The following MEI1 variants were observed in gnomAD, a reference collection of about 807,000 sequenced individuals.
MEI1 encodes meiosis inhibitor protein 1.
In MEI1, 103 loss-of-function variants were observed where a neutral mutation model predicts 146.2. The observed-to-expected ratio is 0.70, with a 90% confidence interval of 0.60 to 0.83. The LOEUF is 0.83. Among genes scored for constraint, MEI1 ranks in the 40% least tolerant of loss-of-function variants. The probability of loss-of-function intolerance (pLI) is 0.00; values close to 1 mark genes in which losing one functional copy is unlikely to be tolerated. For missense variants in MEI1, 1,529 were observed against 1,533.0 expected, an observed-to-expected ratio of 1.00 and a Z score of 0.04; for synonymous variants, 652 against 628.2, an observed-to-expected ratio of 1.04 and a Z score of -0.57.
Position 41,699,688 on chromosome 22 carries a change from G to C in MEI1, c.150G>C (p.Glu50Asp). The C allele has an allele frequency of 6.3e-7, 1 of 1,586,338 alleles. No homozygotes were observed. The highest frequency in any genetic ancestry group is 8.6e-7 in the Non-Finnish European group (1 of 1,167,078). Residue 50 changes from glutamate to aspartate, a missense_variant, in exon 1 of 31, where the codon GAG becomes GAC. By Grantham distance (45) the Glu-to-Asp change is conservative. Transcript: ENST00000401548. ...TPRLCLACAL[E>D]LLPDPGVSLV... ...GCCTGTGCCTGGCCTGCGCGCTGGAGCTGCTGCCGGACCCCGGCGTGTCGG... is the reference window on the plus strand; with the variant it reads ...GCCTGTGCCTGGCCTGCGCGCTGGACCTGCTGCCGGACCCCGGCGTGTCGG...
intron 11 of MEI1, among the ~76,000 whole-genome samples, chr22:41,734,516 C>T (rs2072155467): frequency 1.3e-5 from 2 of 152,206 alleles, no homozygotes; most frequent in South Asian, 4.1e-4. Flanking sequence ...TTATCTGAGC[C>T]TGGGAGGCGG....
intron 23 of MEI1, 75 bp from the exon 24 acceptor site, chr22:41,781,610 G>A: frequency 6.5e-7 from 1 of 1,527,076 alleles, no homozygotes; most frequent in Non-Finnish European, 8.9e-7. Flanking sequence ...CCAATCAGGT[G>A]CTAAGCACCA....
chr22:41,720,784 T>C (rs2070708749), intron 6 of MEI1, among the ~76,000 whole-genome samples: 1 of 151,286 alleles, frequency 6.6e-6, no homozygotes, highest in Admixed American at 6.6e-5. Flanking sequence ...ATTTTTTATT[T>C]TTTTTGAGAC....
chr22:41,771,610 C>CTT lies in MEI1; in HGVS notation c.2544+658_2544+659dup, dbSNP rs11421181. On this transcript the variant is annotated intron_variant, in intron 20 of 30. Transcript: ENST00000401548. ...GCCACCACACCCAACTAATTTTTTA[C>CTT]TTTTTTTTTTAAGAGATGGGGTTTC... Among the ~76,000 whole-genome samples, 230 of 149,128 alleles carry CTT rather than the reference C, an allele frequency of 1.5e-3. 2 individuals carry two copies. The highest frequency in any genetic ancestry group is 5.4e-3 in the African/African-American group (218 of 40,566).
At chr22:41,794,569 A>C in intron 28 of MEI1, 92 bp downstream of exon 28, 13 of 1,045,536 alleles carry the variant, frequency 1.2e-5, no homozygotes, top group Non-Finnish European at 1.9e-5. Flanking sequence ...AGGTAACCCT[A>C]ATCCTTAAAG....
chr22:41,796,902 A>G (rs1023257796), intron 30 of MEI1, among the ~76,000 whole-genome samples: 8 of 152,260 alleles, frequency 5.3e-5, no homozygotes, highest in Admixed American at 1.3e-4. Context: ...CCAAGATCAC[A>G]CCACTGTACT....
chr22:41,742,769 C>A (rs774993154), intron 11 of MEI1, among the ~76,000 whole-genome samples: 3 of 152,192 alleles, frequency 2.0e-5, no homozygotes, highest in Admixed American at 6.5e-5. Flanking sequence ...CCTCCCACCT[C>A]TGCCTCTTGA....
intron 28 of MEI1, 129 bp downstream of exon 28, chr22:41,794,606 A>T: frequency 1.4e-6 from 1 of 712,248 alleles, no homozygotes; most frequent in South Asian, 1.7e-5. Flanking sequence ...GCAGGCCTTC[A>T]CCCTACAAGA....
intron 22 of MEI1, chr22:41,779,013 CACCCT>C (rs941838809): frequency 7.7e-6 from 4 of 521,942 alleles, no homozygotes; most frequent in Non-Finnish European, 1.4e-5. Flanking sequence ...GTTTGGGAGA[CACCCT>C]ACCTCTGCAA....
intron 7 of MEI1, among the ~76,000 whole-genome samples, chr22:41,729,090 G>C (rs2071618618): frequency 6.7e-6 from 1 of 149,862 alleles, no homozygotes; most frequent in Non-Finnish European, 1.5e-5. Context: ...CTTGAACCCA[G>C]GGAGGCGGAG....
chr22:41,754,698 GA>G (rs1337837487), intron 17 of MEI1, among the ~76,000 whole-genome samples: 2 of 152,158 alleles, frequency 1.3e-5, no homozygotes, highest in Non-Finnish European at 2.9e-5. Context: ...CCAAAGTGCT[GA>G]GATTACAGAT....
At position 41,745,957 on chromosome 22, in the gene MEI1, A is replaced by T; in HGVS notation, c.1611A>T (p.Glu537Asp). The T allele has an allele frequency of 1.2e-6, 2 of 1,613,634 alleles. No homozygotes were observed. Among genetic ancestry groups the T allele is most frequent in the South Asian group, 2.2e-5 (2 of 91,036 alleles). The change falls in exon 14 of 31, where the codon GAA becomes GAT. Residue 537 changes from glutamate (E) to aspartate (D), a missense_variant. By Grantham distance (45) the Glu-to-Asp change is conservative. Transcript: ENST00000401548. ...NPFTAPSAKK[E>D]DTLEAFSEFL... ...TCACAGCTCCCAGCGCCAAGAAGGA[A>T]GACACCTTGGAGGCCTTCTCAGAAT...
Position 41,776,215 on chromosome 22 carries a change from C to G in MEI1, c.2658C>G (p.Phe886Leu), listed in dbSNP as rs768203820. Residue 886 changes from phenylalanine to leucine, a missense_variant, in exon 21 of 31, where the codon TTC (phenylalanine) becomes TTG (leucine). Physicochemically the swap from Phe to Leu is conservative, Grantham distance 22 (BLOSUM62 0). Coordinates refer to ENST00000401548, the MANE Select transcript of MEI1 (RefSeq NM_152513.4). ...TGGGCGGTCTTATCCGAGGCCACTT[C>G]CTGCTGATCCTGCAGCGTCTGCTAG... Reference protein sequence around the residue: ...IQVGGLIRGHFLLILQRLLVE... With the variant: ...IQVGGLIRGHLLLILQRLLVE... The G allele has an allele frequency of 6.2e-7, 1 of 1,613,984 alleles. No homozygotes were observed. Among genetic ancestry groups the G allele is most frequent in the South Asian group, 1.1e-5 (1 of 91,084 alleles).
At chr22:41,773,560 TAAAAAA>T (rs34960433) in intron 20 of MEI1, among the ~76,000 whole-genome samples, 5 of 129,966 alleles carry the variant, frequency 3.8e-5, no homozygotes, top group Admixed American at 1.6e-4. Context: ...ACATCAATGG[TAAAAAA>T]AAAAAAAAAA....
At chr22:41,787,552 C>T (rs2076035846) in intron 26 of MEI1, among the ~76,000 whole-genome samples, 1 of 152,152 alleles carries the variant, frequency 6.6e-6, no homozygotes, top group Admixed American at 6.5e-5. Context: ...TCTTTAATAC[C>T]TTAATCCTGC....
chr22:41,701,208 G>C (rs932570086), intron 1 of MEI1, among the ~76,000 whole-genome samples: 2 of 152,070 alleles, frequency 1.3e-5, no homozygotes, highest in East Asian at 3.9e-4. Flanking sequence ...CAAAGTGTTG[G>C]GATTAAAGAC....
At position 41,753,940 on chromosome 22, in the gene MEI1, C is replaced by A. The variant is rs763740520; in HGVS notation, c.1854-9C>A. 6.3e-7 allele frequency: 1 copy of A among 1,581,990 alleles called. No individual in the cohort carries two copies. On this transcript the variant is annotated splice_polypyrimidine_tract_variant and intron_variant, in intron 16 of 30. Coordinates refer to ENST00000401548, the MANE Select transcript of MEI1 (RefSeq NM_152513.4). ...CATCTCTTCTATTCTTTCTTCTTCT[C>A]CCTCTAAGTCACTCAGCCCTAAACC...
Position 41,776,224 on chromosome 22 carries a change from C to A in MEI1, c.2667C>A (p.Ile889=), listed in dbSNP as rs373012181. Residue 889 remains isoleucine, a synonymous_variant, in exon 21 of 31, where the codon ATC becomes ATA. Transcript: ENST00000401548. ...TTATCCGAGGCCACTTCCTGCTGAT[C>A]CTGCAGCGTCTGCTAGTGGAGCATG... ...GGLIRGHFLL[I]LQRLLVEHGA... is the part of the protein sequence containing the mutation. The A allele has an allele frequency of 6.1e-5, 98 of 1,613,976 alleles. 1 individual carries two copies. In the African/African-American group the frequency reaches 1.2e-3, roughly 20 times the overall value.
chr22:41,786,452 G>A (rs1449424611), intron 26 of MEI1, among the ~76,000 whole-genome samples: 1 of 152,216 alleles, frequency 6.6e-6, no homozygotes, highest in Non-Finnish European at 1.5e-5. Context: ...GATCCCAGAA[G>A]CTCAGAGAAG....
Sources: allele counts gnomAD v4.1 joint callset (sites outside exome capture counted in the v4.1 genomes callset), GRCh38; gene constraint gnomAD v4.1.1; transcripts MANE v1.5; gene names NCBI Gene and HGNC (gene_info 2026-07-23, HGNC 2026-07-21).